The following MAGI1 variants were observed in gnomAD, a reference collection of about 807,000 sequenced individuals.
MAGI1 encodes membrane associated guanylate kinase, WW and PDZ domain containing 1.
Under a neutral mutation model 139.9 loss-of-function variants are expected in MAGI1, and 58 were observed. The observed-to-expected ratio is 0.41, with a 90% confidence interval of 0.34 to 0.52. The LOEUF is 0.52. MAGI1 is among the 20% of genes least tolerant of loss of function. The pLI is 0.12. For missense variants in MAGI1, 1,874 were observed against 1,901.6 expected (o/e 0.99, Z 0.27); for synonymous variants, 812 against 737.9 (o/e 1.10, Z -1.63).
intron 1 of MAGI1, among the ~76,000 whole-genome samples, chr3:65,846,557 A>G (rs531848125): frequency 6.6e-6 from 1 of 152,252 alleles, no homozygotes; most frequent in Admixed American, 6.5e-5. Context: ...AGGTCCTTAT[A>G]GTAAGTCTGA....
intron 1 of MAGI1, among the ~76,000 whole-genome samples, chr3:65,816,004 A>G (rs868634): frequency 0.58 from 87,686 of 152,072 alleles, 25,934 homozygotes; most frequent in East Asian, 0.93. Flanking sequence ...TTTGTATATT[A>G]AAAAATAAAG....
At chr3:65,700,605 A>T (rs1338533726) in intron 1 of MAGI1, among the ~76,000 whole-genome samples, 3 of 152,138 alleles carry the variant, frequency 2.0e-5, no homozygotes, top group Non-Finnish European at 4.4e-5. Context: ...GCTGCCCTGG[A>T]TCTACTTATA....
chr3:65,493,655 C>A (rs1359698144), intron 2 of MAGI1, 24 bp from the exon 3 acceptor site: 2 of 1,613,142 alleles, frequency 1.2e-6, no homozygotes, highest in Non-Finnish European at 8.5e-7. Context: ...TACAAAGGCA[C>A]AACAAACCAT....
intron 1 of MAGI1, among the ~76,000 whole-genome samples, chr3:65,923,863 C>T (rs1195003265): frequency 3.3e-5 from 5 of 152,196 alleles, no homozygotes; most frequent in Admixed American, 3.3e-4. Flanking sequence ...CACAAAGAAG[C>T]AATTCCAACT....
chr3:66,012,952 T>C (rs1318715513), intron 1 of MAGI1, among the ~76,000 whole-genome samples: 1 of 152,192 alleles, frequency 6.6e-6, no homozygotes, highest in Non-Finnish European at 1.5e-5. Flanking sequence ...AAGAGGAACC[T>C]AGCCAACTCT....
chr3:65,599,265 G>C (rs929534841), intron 2 of MAGI1, among the ~76,000 whole-genome samples: 1 of 152,178 alleles, frequency 6.6e-6, no homozygotes, highest in Non-Finnish European at 1.5e-5. Context: ...AGAAAGGTGA[G>C]AGGGCAGTGG....
chr3:65,411,743 T>C (rs146873782), intron 12 of MAGI1, among the ~76,000 whole-genome samples: 1 of 152,288 alleles, frequency 6.6e-6, no homozygotes, highest in Non-Finnish European at 1.5e-5. Flanking sequence ...TTTTTAGTAA[T>C]GTAAGTTAGG....
At chr3:65,597,536 C>G (rs1340558000) in intron 2 of MAGI1, 3 of 392,636 alleles carry the variant, frequency 7.6e-6, no homozygotes, top group Admixed American at 5.4e-5. Flanking sequence ...CCTGGCCAAA[C>G]GGGCCTGCCT....
chr3:65,693,895 G>T (rs965989308), intron 1 of MAGI1, among the ~76,000 whole-genome samples: 2 of 151,462 alleles, frequency 1.3e-5, no homozygotes, highest in African/African-American at 2.4e-5. Context: ...GCTAATTTTT[G>T]ATTTTAGTAG....
At chr3:65,579,827 A>G (rs1402929028) in intron 2 of MAGI1, among the ~76,000 whole-genome samples, 1 of 146,290 alleles carries the variant, frequency 6.8e-6, no homozygotes, top group Non-Finnish European at 1.5e-5. Flanking sequence ...GGCCTGGGGA[A>G]CAAGAGCGAA....
chr3:65,405,815 A>G (rs12636368), intron 12 of MAGI1, among the ~76,000 whole-genome samples: 10,942 of 77,926 alleles, frequency 0.14, 851 homozygotes, highest in South Asian at 0.22. Flanking sequence ...GGCTGCTCTC[A>G]AACTCCTGAC....
At chr3:65,531,514 AT>A (rs2078711784) in intron 2 of MAGI1, among the ~76,000 whole-genome samples, 1 of 152,224 alleles carries the variant, frequency 6.6e-6, no homozygotes, top group Admixed American at 6.5e-5. Flanking sequence ...TATTTACAGT[AT>A]AATACTTATT....
At chr3:65,529,844 A>G (rs1304382119) in intron 2 of MAGI1, among the ~76,000 whole-genome samples, 2 of 152,186 alleles carry the variant, frequency 1.3e-5, no homozygotes, top group Non-Finnish European at 2.9e-5. Context: ...CATAAATATA[A>G]TATACACACA....
At chr3:65,617,623 C>G (rs936106373) in intron 2 of MAGI1, among the ~76,000 whole-genome samples, 1 of 152,048 alleles carries the variant, frequency 6.6e-6, no homozygotes, top group Non-Finnish European at 1.5e-5. Flanking sequence ...TTGTGTGCTT[C>G]GAGTACCAGC....
Position 66,038,377 on chromosome 3 carries a change from A to G in MAGI1, c.-69T>C. On this transcript the variant is annotated 5_prime_UTR_variant, in exon 1 of 23. Transcript: ENST00000402939. ...GTGCCCCCCACAGCACGAGCCCCCA[A>G]GCCTCCGCTTGTTCATGGGAGAAAC... The G allele has an allele frequency of 6.7e-7, 1 of 1,497,080 alleles. No homozygotes were observed. The highest frequency in any genetic ancestry group is 1.8e-4 in the Middle Eastern group (1 of 5,498). 92.7% of individuals were successfully genotyped at this position (1,497,080 alleles called of 1,614,324 possible). A position where few individuals can be genotyped will look rare whatever the true frequency, so the allele number is the denominator to read the frequency against.
At chr3:65,563,346 G>T (rs991368034) in intron 2 of MAGI1, among the ~76,000 whole-genome samples, 1 of 152,200 alleles carries the variant, frequency 6.6e-6, no homozygotes. Context: ...CTTTCAAGGT[G>T]ACACTCAATG....
At chr3:65,693,980 C>T (rs376211881) in intron 1 of MAGI1, among the ~76,000 whole-genome samples, 124 of 152,184 alleles carry the variant, frequency 8.1e-4, no homozygotes, top group African/African-American at 2.8e-3. Context: ...CTCGACCTCC[C>T]GAAGTGCTGG....
intron 2 of MAGI1, among the ~76,000 whole-genome samples, chr3:65,513,408 C>T (rs1220801440): frequency 3.7e-5 from 3 of 80,026 alleles, no homozygotes; most frequent in Non-Finnish European, 4.9e-5. Context: ...CTAGAAAACC[C>T]CATCATCTCA....
At chr3:65,423,993 A>C (rs1386314250) in intron 12 of MAGI1, among the ~76,000 whole-genome samples, 2 of 152,236 alleles carry the variant, frequency 1.3e-5, no homozygotes, top group South Asian at 4.1e-4. Flanking sequence ...AGAAGCTAAC[A>C]ATCACTGCCT....
Sources: allele counts gnomAD v4.1 joint callset (sites outside exome capture counted in the v4.1 genomes callset), GRCh38; gene constraint gnomAD v4.1.1; transcripts MANE v1.5; gene names NCBI Gene and HGNC (gene_info 2026-07-23, HGNC 2026-07-21).